Variants in TBC1D23 observed in about 807,000 individuals in gnomAD.
The protein encoded by TBC1D23 is HCV non-structural protein 4A-transactivated protein 1.
Under a neutral mutation model 91.4 loss-of-function variants are expected in TBC1D23, and 55 were observed. The ratio of observed to expected loss-of-function variants is 0.60; its 90% CI spans 0.48 to 0.75. The LOEUF (loss-of-function observed/expected upper bound fraction) is 0.75. Among genes scored for constraint, TBC1D23 ranks in the 30% least tolerant of loss-of-function variants. The pLI is 0.00. For missense variants in TBC1D23, 725 were observed against 836.1 expected, an observed-to-expected ratio of 0.87 and a Z score of 1.64; for synonymous variants, 289 against 281.0, an observed-to-expected ratio of 1.03 and a Z score of -0.28.
In TBC1D23 at chr3:100,260,995, A is replaced by C; in HGVS notation, c.-24A>C. ...CTCAGCGCCGGATCCACTTTTCGGC[A>C]AAGTGACGTGGACGTCAACAGCAAT... On this transcript the variant is annotated 5_prime_UTR_variant, in exon 1 of 19. Transcript: ENST00000394144. 2 of 1,611,766 alleles carry C rather than the reference A, an allele frequency of 1.2e-6. No individual in the cohort carries two copies. Among genetic ancestry groups the C allele is most frequent in the South Asian group, 1.1e-5 (1 of 91,018 alleles).
intron 7 of TBC1D23, 27 bp from the exon 8 acceptor site, chr3:100,296,145 C>G (rs1461855096): frequency 7.7e-7 from 1 of 1,304,530 alleles, no homozygotes; most frequent in East Asian, 2.4e-5. Flanking sequence ...TCACAAACTA[C>G]TAAATATTAT....
At position 100,303,110 on chromosome 3, in the gene TBC1D23, C is replaced by G. The variant is rs372756660; in HGVS notation, c.1263+873C>G. ...TGTTTCTCTGCTTTTTTAAAAATGT[C>G]ACTCAGTGATGGCTTGTTTTTTATT... On this transcript the variant is annotated intron_variant, in intron 11 of 18. Transcript: ENST00000394144. Among the ~76,000 whole-genome samples the G allele has an allele frequency of 2.6e-4, 40 of 152,214 alleles. No homozygotes were observed. In the East Asian group the frequency reaches 7.5e-3, roughly 29 times the overall value.
chr3:100,297,617 T>C (rs752855612), intron 8 of TBC1D23, among the ~76,000 whole-genome samples: 7 of 152,154 alleles, frequency 4.6e-5, no homozygotes, highest in Non-Finnish European at 1.0e-4. Flanking sequence ...TATTAAGATA[T>C]GAAAAATTGT....
At chr3:100,284,134 T>C (rs2067720575) in intron 4 of TBC1D23, 1 of 222,216 alleles carries the variant, frequency 4.5e-6, no homozygotes, top group Non-Finnish European at 8.9e-6. Context: ...ATGTGGGGAC[T>C]CTAGTTAATA....
chr3:100,308,585 T>C (rs543838216), intron 13 of TBC1D23, among the ~76,000 whole-genome samples: 32 of 152,240 alleles, frequency 2.1e-4, no homozygotes, highest in Non-Finnish European at 4.0e-4. Context: ...AGAGATAATT[T>C]TGCCATTCAT....
intron 1 of TBC1D23, among the ~76,000 whole-genome samples, chr3:100,274,419 G>T (rs546200988): frequency 6.6e-6 from 1 of 152,034 alleles, no homozygotes; most frequent in Non-Finnish European, 1.5e-5. Flanking sequence ...TTAAATTGTG[G>T]TAAAATATAC....
chr3:100,297,512 A>G (rs964172652), intron 8 of TBC1D23, among the ~76,000 whole-genome samples: 3 of 152,154 alleles, frequency 2.0e-5, no homozygotes, highest in Non-Finnish European at 4.4e-5. Flanking sequence ...TTCTTCAGAC[A>G]TAGTGAAACT....
chr3:100,313,740 A>G (rs1181373356), intron 15 of TBC1D23, among the ~76,000 whole-genome samples: 2 of 152,172 alleles, frequency 1.3e-5, no homozygotes, highest in African/African-American at 4.8e-5. Flanking sequence ...AATCTAATCT[A>G]TATAAAATTT....
Position 100,315,443 on chromosome 3 carries a change from T to C in TBC1D23, c.1599-656T>C, listed in dbSNP as rs762154717. Among the ~76,000 whole-genome samples the C allele has an allele frequency of 1.4e-4, 22 of 152,128 alleles. No individual in the cohort carries two copies. The East Asian group carries it at 2.1e-3, about 15-fold the overall frequency. ...TCCCAAAGTGCTGGGATTACAGGAG[T>C]GAGCCACCGCGCCCGGCCGAGGCAG... On this transcript the variant is annotated intron_variant, in intron 15 of 18. Transcript: ENST00000394144.
At chr3:100,264,500 A>G (rs936710353) in intron 1 of TBC1D23, among the ~76,000 whole-genome samples, 1 of 152,204 alleles carries the variant, frequency 6.6e-6, no homozygotes, top group Admixed American at 6.5e-5. Flanking sequence ...CAGGGAATTT[A>G]TGTTCTAGAT....
At chr3:100,317,639 A>T (rs1398078512) in intron 16 of TBC1D23, among the ~76,000 whole-genome samples, 1 of 152,156 alleles carries the variant, frequency 6.6e-6, no homozygotes, top group Non-Finnish European at 1.5e-5. Context: ...GGTAAATGTG[A>T]TATTTCTGCT....
At chr3:100,291,892 A>G (rs1180719590) in intron 5 of TBC1D23, among the ~76,000 whole-genome samples, 1 of 150,820 alleles carries the variant, frequency 6.6e-6, no homozygotes, top group Admixed American at 6.6e-5. Context: ...CAGCCTCCCA[A>G]GTAGCTTGGA....
chr3:100,268,253 A>G (rs2067572872), intron 1 of TBC1D23, among the ~76,000 whole-genome samples: 1 of 152,132 alleles, frequency 6.6e-6, no homozygotes, highest in Non-Finnish European at 1.5e-5. Context: ...TTGTGATGCA[A>G]AAGATTTATT....
At chr3:100,272,979 T>C (rs1165215723) in intron 1 of TBC1D23, among the ~76,000 whole-genome samples, 2 of 152,066 alleles carry the variant, frequency 1.3e-5, no homozygotes, top group Admixed American at 1.3e-4. Flanking sequence ...TGCCTTCCTC[T>C]TGTCTCAACT....
At chr3:100,316,074 C>G (rs750715114) in intron 15 of TBC1D23, 25 bp from the exon 16 acceptor site, 2 of 1,554,532 alleles carry the variant, frequency 1.3e-6, no homozygotes, top group South Asian at 1.1e-5. Flanking sequence ...GTGATTATTT[C>G]TCTCCTAAAA....
At position 100,323,567 on chromosome 3, in the gene TBC1D23, GTATT is replaced by G; in HGVS notation, c.2019-18_2019-15del. 7.8e-7 allele frequency: 1 copy of G among 1,284,028 alleles called. No homozygotes were observed. The highest frequency in any genetic ancestry group is 1.6e-5 in the African/African-American group (1 of 64,442). 79.5% of individuals were successfully genotyped at this position (1,284,028 alleles called of 1,614,324 possible). On this transcript the variant is annotated splice_polypyrimidine_tract_variant and intron_variant, in intron 18 of 18. Transcript: ENST00000394144. ...TATGTATATATATATGTATATATAT[GTATT>G]TTTTTTCCCCCTTAGGTATTTGATT... is the stretch of plus-strand genomic sequence containing the variant.
In TBC1D23 at chr3:100,290,688, A is replaced by G. The variant is rs1009398172; in HGVS notation, c.587A>G (p.Tyr196Cys). The change falls in exon 5 of 19, where the codon TAT (tyrosine) becomes TGT (cysteine). Residue 196 changes from tyrosine to cysteine, a missense_variant. By Grantham distance (194) the Tyr-to-Cys change is radical. Coordinates refer to ENST00000394144, the MANE Select transcript of TBC1D23 (RefSeq NM_001199198.3). The part of the protein sequence containing the change: ...LDTKKITPDS[Y>C]ALNWLGSLFA... ...ACAAAGAAAATTACTCCAGACTCCTATGCACTCAACTGGGTAATAAAGTGA... is the reference window on the plus strand; with the variant it reads ...ACAAAGAAAATTACTCCAGACTCCTGTGCACTCAACTGGGTAATAAAGTGA... 2.5e-6 allele frequency: 4 copies of G among 1,609,764 alleles called. No homozygotes were observed. The highest frequency in any genetic ancestry group is 1.3e-5 in the African/African-American group (1 of 74,748).
At chr3:100,310,335 A>C in intron 13 of TBC1D23, 68 bp from the exon 14 acceptor site, 1 of 1,387,942 alleles carries the variant, frequency 7.2e-7, no homozygotes, top group Non-Finnish European at 9.9e-7. Flanking sequence ...TAACATGTAG[A>C]TAACCATTAG....
chr3:100,320,012 G>C (rs1052978642), intron 17 of TBC1D23, among the ~76,000 whole-genome samples: 4 of 152,026 alleles, frequency 2.6e-5, no homozygotes, highest in Non-Finnish European at 5.9e-5. Context: ...AGTATCTTTT[G>C]TAGTGTGTTT....
Sources: gnomAD v4.1 joint callset for allele counts (sites outside exome capture counted in the v4.1 genomes callset) on GRCh38, gnomAD v4.1.1 for gene constraint, MANE v1.5 for transcripts, NCBI Gene and HGNC (gene_info 2026-07-23, HGNC 2026-07-21) for gene names.